The following ULK4 variants were observed in gnomAD, a reference collection of about 807,000 sequenced individuals.
ULK4 encodes unc-51 like kinase 4.
A neutral mutation model predicts 160.6 loss-of-function variants in ULK4; 133 were observed. The ratio of observed to expected loss-of-function variants is 0.83; its 90% CI spans 0.72 to 0.96. ULK4 has a LOEUF of 0.96. Among genes scored for constraint, ULK4 ranks in the 40% least tolerant of loss-of-function variants. ULK4 has a pLI of 0.00. For synonymous variants in ULK4, 534 were observed against 539.8 expected (o/e 0.99, Z 0.15); for missense variants, 1,580 against 1,499.5 (o/e 1.05, Z -0.89).
In ULK4 at chr3:41,794,656, G is replaced by A. The variant is rs1442682447; in HGVS notation, c.2011-4813C>T. Among the ~76,000 whole-genome samples, 16 of 21,264 alleles carry A rather than the reference G, an allele frequency of 7.5e-4. No homozygotes were observed. The East Asian group carries it at 0.024, about 32-fold the overall frequency. The allele number at this position is 21,264 out of a possible 152,430, so 14.0% of individuals were successfully genotyped here. A position where few individuals can be genotyped will look rare whatever the true frequency, so the allele number is the denominator to read the frequency against. ...AGCCTGGGTGACAGAGCAAGACTCT[G>A]TCTCAAAAAAAAAAAAAAAAAAAAA... On this transcript the variant is annotated intron_variant, in intron 20 of 36. Coordinates refer to ENST00000301831, the MANE Select transcript of ULK4 (RefSeq NM_017886.4).
intron 12 of ULK4, among the ~76,000 whole-genome samples, chr3:41,901,354 G>A (rs1476988399): frequency 1.0e-4 from 15 of 150,602 alleles, no homozygotes; most frequent in Admixed American, 9.9e-4. Flanking sequence ...TAATTTTTTT[G>A]TATTTTTAGT....
At chr3:41,458,307 G>A (rs1243727675) in intron 33 of ULK4, among the ~76,000 whole-genome samples, 1 of 152,198 alleles carries the variant, frequency 6.6e-6, no homozygotes, top group South Asian at 2.1e-4. Context: ...AGAGGATGGG[G>A]ACTGAATCAT....
chr3:41,938,062 C>T, intron 3 of ULK4, 36 bp downstream of exon 3: 1 of 1,479,424 alleles, frequency 6.8e-7, no homozygotes, highest in Non-Finnish European at 9.2e-7. Context: ...TTTTTCAATA[C>T]TATATTCATA....
chr3:41,921,498 C>G (rs1316911046), intron 5 of ULK4, among the ~76,000 whole-genome samples: 2 of 151,998 alleles, frequency 1.3e-5, no homozygotes, highest in African/African-American at 4.8e-5. Flanking sequence ...GCCTGTAGTC[C>G]CAGCTACTCA....
chr3:41,644,639 T>C (rs2125725082), intron 30 of ULK4, among the ~76,000 whole-genome samples: 1 of 152,214 alleles, frequency 6.6e-6, no homozygotes, highest in Non-Finnish European at 1.5e-5. Context: ...ATCAGGGATA[T>C]TGGTCTAAAA....
At chr3:41,506,690 G>A (rs964115171) in intron 32 of ULK4, among the ~76,000 whole-genome samples, 4 of 139,796 alleles carry the variant, frequency 2.9e-5, no homozygotes, top group African/African-American at 7.9e-5. Context: ...TCACTTTCTT[G>A]TCCTCTATTT....
At chr3:41,781,674 C>A (rs2125583592) in intron 21 of ULK4, among the ~76,000 whole-genome samples, 1 of 152,326 alleles carries the variant, frequency 6.6e-6, no homozygotes, top group Non-Finnish European at 1.5e-5. Context: ...TGCAGTGGCT[C>A]ATGCCTGTAA....
At chr3:41,361,412 T>C (rs975900105) in intron 35 of ULK4, among the ~76,000 whole-genome samples, 1 of 152,200 alleles carries the variant, frequency 6.6e-6, no homozygotes, top group Non-Finnish European at 1.5e-5. Flanking sequence ...CCTTACCCTA[T>C]TGTTTGAAAA....
At chr3:41,345,685 T>C (rs1009669126) in intron 35 of ULK4, among the ~76,000 whole-genome samples, 4 of 152,260 alleles carry the variant, frequency 2.6e-5, no homozygotes, top group East Asian at 1.9e-4. Flanking sequence ...CTGGGCTTAA[T>C]ACCTAGGTGA....
At chr3:41,659,849 A>G (rs2035082525) in intron 30 of ULK4, among the ~76,000 whole-genome samples, 1 of 152,216 alleles carries the variant, frequency 6.6e-6, no homozygotes, top group Admixed American at 6.5e-5. Flanking sequence ...AAGTTATAAT[A>G]CATCCATGCA....
intron 8 of ULK4, among the ~76,000 whole-genome samples, chr3:41,915,131 T>C (rs561629549): frequency 2.2e-4 from 34 of 152,310 alleles, no homozygotes; most frequent in African/African-American, 7.7e-4. Context: ...ATACACCGTC[T>C]TAAGTAAATT....
chr3:41,365,831 G>C (rs1015072078), intron 35 of ULK4, among the ~76,000 whole-genome samples: 2 of 151,688 alleles, frequency 1.3e-5, no homozygotes, highest in Non-Finnish European at 2.9e-5. Context: ...TACATCATAA[G>C]GCCATATCAA....
chr3:41,919,815 G>A lies in ULK4; in HGVS notation c.545C>T (p.Ser182Phe), dbSNP rs1299252641. 1.2e-6 allele frequency: 2 copies of A among 1,608,702 alleles called. No homozygotes were observed. The highest frequency in any genetic ancestry group is 2.2e-5 in the East Asian group (1 of 44,822). Residue 182 changes from serine to phenylalanine, a missense_variant, in exon 6 of 37, where the codon TCT becomes TTT. Coordinates refer to ENST00000301831, the MANE Select transcript of ULK4 (RefSeq NM_017886.4). The stretch of plus-strand genomic sequence containing the variant: ...AACTTCTGGTGCTGTATATACAGGA[G>A]ATCCTAAAAGCAAAGTATGAAGAAC... ...KKSMKSRVKG[S>F]PVYTAPEVVR...
At chr3:41,624,390 C>T (rs1003877543) in intron 30 of ULK4, among the ~76,000 whole-genome samples, 1 of 152,214 alleles carries the variant, frequency 6.6e-6, no homozygotes, top group African/African-American at 2.4e-5. Context: ...GCATCACTCA[C>T]AACACCGGCC....
chr3:41,772,239 A>G (rs923396426), intron 21 of ULK4, among the ~76,000 whole-genome samples: 1 of 152,382 alleles, frequency 6.6e-6, no homozygotes, highest in South Asian at 2.1e-4. Context: ...TGAAGGAGAT[A>G]GAGACACAAA....
intron 19 of ULK4, among the ~76,000 whole-genome samples, chr3:41,813,988 T>A (rs1314064537): frequency 1.3e-5 from 2 of 152,092 alleles, no homozygotes; most frequent in African/African-American, 2.4e-5. Flanking sequence ...ATGAGGGAAG[T>A]GATTCTCAGC....
chr3:41,661,920 G>A (rs1370189850), intron 30 of ULK4, among the ~76,000 whole-genome samples: 1 of 151,958 alleles, frequency 6.6e-6, no homozygotes, highest in Non-Finnish European at 1.5e-5. Flanking sequence ...TTCAATATGA[G>A]GAAATTAAGC....
intron 16 of ULK4, among the ~76,000 whole-genome samples, chr3:41,884,354 T>C (rs115748597): frequency 2.4e-3 from 364 of 152,342 alleles, no homozygotes; most frequent in African/African-American, 7.8e-3. Flanking sequence ...TCTATGTAAG[T>C]AGTAAATAAT....
At chr3:41,409,829 GT>G (rs1375666871) in intron 34 of ULK4, among the ~76,000 whole-genome samples, 1 of 151,930 alleles carries the variant, frequency 6.6e-6, no homozygotes, top group African/African-American at 2.4e-5. Flanking sequence ...CACACCTGTA[GT>G]CCCAGCTACT....
Sources: allele counts gnomAD v4.1 joint callset (sites outside exome capture counted in the v4.1 genomes callset), GRCh38; gene constraint gnomAD v4.1.1; transcripts MANE v1.5; gene names NCBI Gene and HGNC (gene_info 2026-07-23, HGNC 2026-07-21).